Variants in TRAPPC9 observed in about 807,000 individuals in gnomAD.
The protein encoded by TRAPPC9 is trafficking protein particle complex subunit 9.
Under a neutral mutation model 124.0 loss-of-function variants are expected in TRAPPC9, and 83 were observed. The ratio of observed to expected loss-of-function variants is 0.67; its 90% CI spans 0.56 to 0.80. TRAPPC9 has a LOEUF of 0.80. Ranked by LOEUF, TRAPPC9 falls within the 30% of genes least tolerant of loss-of-function variation. The pLI, the probability that TRAPPC9 is intolerant of heterozygous loss-of-function variation, is 0.00. For synonymous variants in TRAPPC9, 638 were observed against 617.5 expected, an observed-to-expected ratio of 1.03 and a Z score of -0.49; for missense variants, 1,302 against 1,508.3, an observed-to-expected ratio of 0.86 and a Z score of 2.27.
At chr8:139,912,165 C>G (rs1831781842) in intron 19 of TRAPPC9, among the ~76,000 whole-genome samples, 1 of 152,146 alleles carries the variant, frequency 6.6e-6, no homozygotes, top group African/African-American at 2.4e-5. Context: ...ATGTTAACAT[C>G]TTTACAGTCT....
At chr8:140,201,902 CCCTGGT>C (rs759166997) in intron 17 of TRAPPC9, among the ~76,000 whole-genome samples, 41 of 152,180 alleles carry the variant, frequency 2.7e-4, no homozygotes, top group Admixed American at 6.5e-4. Flanking sequence ...GCTCAGCTGG[CCCTGGT>C]ATGTCAGGCT....
At chr8:139,787,857 C>T (rs1013872396) in intron 21 of TRAPPC9, among the ~76,000 whole-genome samples, 1 of 152,126 alleles carries the variant, frequency 6.6e-6, no homozygotes, top group Non-Finnish European at 1.5e-5. Flanking sequence ...ATCGCCAGGC[C>T]TCCAGATGTG....
intron 17 of TRAPPC9, among the ~76,000 whole-genome samples, chr8:140,047,375 G>T (rs565970752): frequency 6.6e-6 from 1 of 152,236 alleles, no homozygotes; most frequent in African/African-American, 2.4e-5. Flanking sequence ...CTAAGAGCCC[G>T]AATGCGAAGG....
At chr8:139,855,619 C>A (rs534823894) in intron 21 of TRAPPC9, among the ~76,000 whole-genome samples, 1 of 152,252 alleles carries the variant, frequency 6.6e-6, no homozygotes, top group African/African-American at 2.4e-5. Context: ...CCTGTTTACG[C>A]TCTTCAGGGG....
intron 21 of TRAPPC9, among the ~76,000 whole-genome samples, chr8:139,753,289 C>T (rs1360176193): frequency 6.6e-6 from 1 of 151,024 alleles, no homozygotes; most frequent in Non-Finnish European, 1.5e-5. Flanking sequence ...ACCCATCCAT[C>T]CACCCATCTA....
rs35915091 is a variant in TRAPPC9, at chr8:140,370,128, GTTT to G, written c.1351+833_1351+835del. Among the ~76,000 whole-genome samples, 7 of 148,130 alleles carry G rather than the reference GTTT, an allele frequency of 4.7e-5. 1 individual carries two copies. The highest frequency in any genetic ancestry group is 3.4e-4 in the Admixed American group (5 of 14,916). On this transcript the variant is annotated intron_variant, in intron 8 of 22. Coordinates refer to ENST00000438773, the MANE Select transcript of TRAPPC9 (RefSeq NM_001160372.4). ...TATCTAAAAGTAACCCCTCAAAAAT[GTTT>G]TTTTTTTTGTTTTTTTGGGTTTTTT...
upstream of TRAPPC9, chr8:140,458,369 G>T (rs1399047078): frequency 1.3e-6 from 2 of 1,596,288 alleles, no homozygotes; most frequent in East Asian, 2.3e-5. Context: ...GGATCCCTGC[G>T]GCACCCCCTG....
intron 17 of TRAPPC9, among the ~76,000 whole-genome samples, chr8:140,045,030 C>G (rs1401849119): frequency 6.6e-6 from 1 of 152,154 alleles, no homozygotes; most frequent in Non-Finnish European, 1.5e-5. Context: ...AGAATGAAGG[C>G]ATAGAACTTT....
intron 17 of TRAPPC9, among the ~76,000 whole-genome samples, chr8:140,078,318 C>T (rs76593712): frequency 0.013 from 1,946 of 152,282 alleles, 34 homozygotes; most frequent in African/African-American, 0.043. Context: ...TGCTGTTATG[C>T]TGAGAGAAGG....
At chr8:140,064,739 C>T (rs947219320) in intron 17 of TRAPPC9, among the ~76,000 whole-genome samples, 1 of 152,154 alleles carries the variant, frequency 6.6e-6, no homozygotes, top group Admixed American at 6.5e-5. Flanking sequence ...ATTACTAATT[C>T]CTGGCAATAG....
intron 9 of TRAPPC9, among the ~76,000 whole-genome samples, chr8:140,356,407 A>G (rs2067746335): frequency 6.6e-6 from 1 of 152,168 alleles, no homozygotes; most frequent in South Asian, 2.1e-4. Flanking sequence ...TCAGCCTGAC[A>G]CAGAAGAGTG....
At chr8:139,850,647 C>A (rs913917967) in intron 21 of TRAPPC9, among the ~76,000 whole-genome samples, 2 of 152,198 alleles carry the variant, frequency 1.3e-5, no homozygotes, top group African/African-American at 2.4e-5. Flanking sequence ...ATGAGTTGAA[C>A]AATCAAGTCA....
chr8:140,034,968 A>C (rs572635163), intron 17 of TRAPPC9, among the ~76,000 whole-genome samples: 3 of 152,368 alleles, frequency 2.0e-5, no homozygotes, highest in South Asian at 4.1e-4. Context: ...CCAGTTTCAC[A>C]GCTGCCGCGC....
intron 17 of TRAPPC9, among the ~76,000 whole-genome samples, chr8:140,103,457 TG>T (rs2060614869): frequency 6.6e-6 from 1 of 152,186 alleles, no homozygotes; most frequent in Non-Finnish European, 1.5e-5. Flanking sequence ...ACATCCTGGT[TG>T]GTACAAGCGA....
rs181064079 is a variant in TRAPPC9, at chr8:140,456,281, A to G, written c.-11+1358T>C. On this transcript the variant is annotated intron_variant, in intron 1 of 22. Coordinates refer to ENST00000438773, the MANE Select transcript of TRAPPC9 (RefSeq NM_001160372.4). ...AAAAAATGTAGCCGGGCATGGTGGC[A>G]GGCACCTGTAATCCCAGCTACTCAG... Among the ~76,000 whole-genome samples, 1,275 of 152,146 alleles carry G rather than the reference A, an allele frequency of 8.4e-3. 22 individuals are homozygous for G. Among genetic ancestry groups the G allele is most frequent in the African/African-American group, 0.029 (1,200 of 41,502 alleles).
chr8:140,298,030 T>G (rs1188890681), intron 11 of TRAPPC9, among the ~76,000 whole-genome samples: 1 of 152,182 alleles, frequency 6.6e-6, no homozygotes, highest in Non-Finnish European at 1.5e-5. Context: ...AAAAGTCGTT[T>G]CTCTAAGTTT....
chr8:140,311,311 G>A lies in TRAPPC9; in HGVS notation c.1559C>T (p.Pro520Leu). The A allele has an allele frequency of 6.2e-7, 1 of 1,613,894 alleles. No individual in the cohort carries two copies. Among genetic ancestry groups the A allele is most frequent in the Non-Finnish European group, 8.5e-7 (1 of 1,180,000 alleles). The change falls in exon 10 of 23, where the codon CCC becomes CTC. Residue 520 changes from proline (P) to leucine (L), a missense_variant. Pro to Leu is a moderately conservative substitution (Grantham distance 98). Coordinates refer to ENST00000438773, the MANE Select transcript of TRAPPC9 (RefSeq NM_001160372.4). ...GGTGAGGCCGCCAGGGAGGGCGATGGGCTCCATGGTCCCAGGACACTTGGA... is the reference window on the plus strand; with the variant it reads ...GGTGAGGCCGCCAGGGAGGGCGATGAGCTCCATGGTCCCAGGACACTTGGA... ...YTSKCPGTMEPIALPGGLTLP... is the reference protein window; with the variant it reads ...YTSKCPGTMELIALPGGLTLP...
chr8:140,342,711 C>T (rs1176935787), intron 9 of TRAPPC9, among the ~76,000 whole-genome samples: 3 of 151,932 alleles, frequency 2.0e-5, no homozygotes, highest in African/African-American at 7.3e-5. Flanking sequence ...CCACATAAGC[C>T]ATCTGGAGAA....
chr8:139,880,913 C>G (rs1405684910), intron 21 of TRAPPC9, among the ~76,000 whole-genome samples: 1 of 152,260 alleles, frequency 6.6e-6, no homozygotes, highest in Non-Finnish European at 1.5e-5. Context: ...CTGAGCTGCT[C>G]ACTGCCGGGG....
Sources: allele counts gnomAD v4.1 joint callset (sites outside exome capture counted in the v4.1 genomes callset), GRCh38; gene constraint gnomAD v4.1.1; transcripts MANE v1.5; gene names NCBI Gene and HGNC (gene_info 2026-07-23, HGNC 2026-07-21).